Variants in ZNF410 observed in about 807,000 individuals in gnomAD.
The protein encoded by ZNF410 is another partner for ARF 1.
ZNF410 carries 18 observed loss-of-function variants against 54.8 expected under a neutral mutation model. The ratio of observed to expected loss-of-function variants is 0.33; its 90% confidence interval spans 0.23 to 0.49. The LOEUF (loss-of-function observed/expected upper bound fraction) is 0.49, where lower values mean the gene tolerates loss of function less well. Among genes scored for constraint, ZNF410 ranks in the 20% least tolerant of loss-of-function variants. The probability of loss-of-function intolerance (pLI) is 0.99; values close to 1 mark genes in which losing one functional copy is unlikely to be tolerated. For missense variants in ZNF410, 405 were observed against 569.6 expected (o/e 0.71, Z 2.94); for synonymous variants, 191 against 207.3 (o/e 0.92, Z 0.68).
intron 8 of ZNF410, among the ~76,000 whole-genome samples, chr14:73,912,599 C>G (rs558223371): frequency 1.2e-4 from 18 of 152,318 alleles, no homozygotes; most frequent in African/African-American, 3.4e-4. Context: ...CTGTGCGACT[C>G]TTTAGTTGGA....
At chr14:73,931,456 A>G (rs777478575) in intron 11 of ZNF410, 47 bp from the exon 12 acceptor site, 8 of 1,539,462 alleles carry the variant, frequency 5.2e-6, no homozygotes, top group Admixed American at 1.7e-5. Context: ...TATTTTTTCT[A>G]TAATTCAACT....
intron 11 of ZNF410, among the ~76,000 whole-genome samples, chr14:73,925,648 G>A (rs576574992): frequency 1.3e-5 from 2 of 152,100 alleles, no homozygotes; most frequent in Non-Finnish European, 2.9e-5. Context: ...GGCTAGTCTG[G>A]AACTCCTGAC....
In ZNF410 at chr14:73,922,117, A is replaced by G; in HGVS notation, c.1181A>G (p.Lys394Arg). 1 of 1,614,176 alleles carries G rather than the reference A, an allele frequency of 6.2e-7. No homozygotes were observed. The highest frequency in any genetic ancestry group is 8.5e-7 in the Non-Finnish European group (1 of 1,180,024). ...SLLEEASVPS[K>R]NLVSMNSQPS... is the part of the protein sequence containing the mutation. Reference sequence around the variant, plus strand: ...CTTGAAGAGGCTTCAGTACCCAGTAAAAACCTGGTGTCTATGAATTCCCAG... The same window carrying G: ...CTTGAAGAGGCTTCAGTACCCAGTAGAAACCTGGTGTCTATGAATTCCCAG... Residue 394 changes from lysine (K) to arginine (R), a missense_variant, in exon 10 of 12, where the codon AAA (lysine) becomes AGA (arginine). Physicochemically the swap from Lys to Arg is conservative, Grantham distance 26. This residue lies in a region of ZNF410 where 127 missense variants were observed against 141.3 expected (regional missense o/e 0.90). Coordinates refer to ENST00000555044, the MANE Select transcript of ZNF410 (RefSeq NM_021188.3).
chr14:73,931,369 C>G, intron 11 of ZNF410, 134 bp from the exon 12 acceptor site: 5 of 708,192 alleles, frequency 7.1e-6, no homozygotes, highest in Non-Finnish European at 1.2e-5. Flanking sequence ...CATGTGTTTG[C>G]TTTGGAAGTA....
rs2140337959 is a variant in ZNF410 at position 73,931,613 on chromosome 14, T to G, written c.*72T>G. On this transcript the variant is annotated 3_prime_UTR_variant, in exon 12 of 12. Transcript: ENST00000555044. ...TGCGTATACTGGGAACAGGATGCCT[T>G]AGCCCACAACAGAACCAGAATGAAT... 1 of 1,414,336 alleles carries G rather than the reference T, an allele frequency of 7.1e-7. No homozygotes were observed. The allele number at this position is 1,414,336 out of a possible 1,614,324, so 87.6% of individuals were successfully genotyped here.
chr14:73,907,983 G>C (rs2055517144), intron 7 of ZNF410, among the ~76,000 whole-genome samples: 1 of 151,930 alleles, frequency 6.6e-6, no homozygotes, highest in South Asian at 2.1e-4. Context: ...TATTTACCTG[G>C]TATTATTTAA....
At chr14:73,917,100 C>G (rs1052896966) in intron 8 of ZNF410, among the ~76,000 whole-genome samples, 1 of 152,144 alleles carries the variant, frequency 6.6e-6, no homozygotes, top group Non-Finnish European at 1.5e-5. Context: ...TTTAAATTTT[C>G]ACATTAAACA....
At chr14:73,904,388 CAAAT>C (rs1026355070) in intron 6 of ZNF410, among the ~76,000 whole-genome samples, 4 of 152,106 alleles carry the variant, frequency 2.6e-5, no homozygotes, top group Admixed American at 2.6e-4. Context: ...TTAAAAGTAA[CAAAT>C]AAGCATGGGC....
chr14:73,896,233 A>G (rs553892536), intron 3 of ZNF410, 83 bp from the exon 4 acceptor site: 3 of 969,856 alleles, frequency 3.1e-6, no homozygotes, highest in South Asian at 2.9e-5. Context: ...TTAGCTTCCA[A>G]GAGATGTTGG....
Position 73,893,877 on chromosome 14 carries a change from C to T in ZNF410, c.114C>T (p.Cys38=). 3 of 1,614,104 alleles carry T rather than the reference C, an allele frequency of 1.9e-6. No individual in the cohort carries two copies. The highest frequency in any genetic ancestry group is 2.5e-6 in the Non-Finnish European group (3 of 1,180,000). ...AATCAGAAGCTAAAGATATTACTTG[C>T]TTGTCCCTCCTTCCCGTGACTGAAG... The part of the protein sequence containing the change: ...LVESEAKDIT[C]LSLLPVTEAS... Residue 38 remains cysteine (C), a synonymous_variant, in exon 3 of 12, where the codon TGC becomes TGT. Coordinates refer to ENST00000555044, the MANE Select transcript of ZNF410 (RefSeq NM_021188.3).
chr14:73,896,389 T>C lies in ZNF410; in HGVS notation c.243T>C (p.Asn81=). The C allele has an allele frequency of 6.2e-7, 1 of 1,614,146 alleles. No individual in the cohort carries two copies. The highest frequency in any genetic ancestry group is 8.5e-7 in the Non-Finnish European group (1 of 1,180,042). The stretch of plus-strand genomic sequence containing the variant: ...CTGTTTTGAGAAGCCTTCGGGTGAA[T>C]GTGGGTCCAGACGGAGAGGAGACGA... The part of the protein sequence containing the change: ...SSAVLRSLRV[N]VGPDGEETRA... The change falls in exon 4 of 12, where the codon AAT becomes AAC. Residue 81 remains asparagine (N), a synonymous_variant. Coordinates refer to ENST00000555044, the MANE Select transcript of ZNF410 (RefSeq NM_021188.3).
chr14:73,899,776 G>A (rs10151507), intron 5 of ZNF410, among the ~76,000 whole-genome samples: 1,779 of 152,210 alleles, frequency 0.012, 37 homozygotes, highest in African/African-American at 0.041. Context: ...GGCTTGTTAT[G>A]GAGATTATGT....
intron 8 of ZNF410, among the ~76,000 whole-genome samples, chr14:73,919,886 G>GTTTTTTTTTTTTTTTTTTTT (rs1158550117): frequency 6.4e-5 from 4 of 62,044 alleles, no homozygotes; most frequent in Admixed American, 2.5e-4. Flanking sequence ...TATTGTATAG[G>GTTTTTTTTTTTTTTTTTTTT]TTTTTTTTTT....
At chr14:73,922,236 A>G in intron 10 of ZNF410, 30 bp downstream of exon 10, 4 of 1,602,656 alleles carry the variant, frequency 2.5e-6, no homozygotes, top group Non-Finnish European at 3.4e-6. Flanking sequence ...TTTATTTGGG[A>G]AAAATGGGCT....
chr14:73,931,698 A>T lies in ZNF410; in HGVS notation c.*157A>T, dbSNP rs1023943592. On this transcript the variant is annotated 3_prime_UTR_variant, in exon 12 of 12. Coordinates refer to ENST00000555044, the MANE Select transcript of ZNF410 (RefSeq NM_021188.3). ...TCCTCTTTCCTGGTATAGAAGATGGATGTAGGAGAGCTTCTTTTCTAACTA... is the reference window on the plus strand; with the variant it reads ...TCCTCTTTCCTGGTATAGAAGATGGTTGTAGGAGAGCTTCTTTTCTAACTA... 7.5e-6 allele frequency: 5 copies of T among 666,430 alleles called. No individual in the cohort carries two copies. In the East Asian group the frequency reaches 1.4e-4, roughly 19 times the overall value. 41.3% of individuals were successfully genotyped at this position (666,430 alleles called of 1,614,324 possible).
intron 9 of ZNF410, chr14:73,921,325 A>G (rs916205148): frequency 6.6e-6 from 3 of 453,860 alleles, no homozygotes; most frequent in South Asian, 3.5e-5. Flanking sequence ...GCCCACCAAT[A>G]AAACAAAGCA....
chr14:73,903,289 G>T (rs909459041), intron 5 of ZNF410, among the ~76,000 whole-genome samples: 1 of 152,136 alleles, frequency 6.6e-6, no homozygotes, highest in Non-Finnish European at 1.5e-5. Flanking sequence ...CCTACTCAGG[G>T]ATAGTGTTGC....
At position 73,909,412 on chromosome 14, in the gene ZNF410, C is replaced by T; in HGVS notation, c.985C>T (p.His329Tyr). ...SFAEYSSLRK[H>Y]LVVHSGEKPH... ...TGCTGAGTATTCTAGCCTCCGAAAA[C>T]ATCTGGTGGTTCACTCAGGTATCAG... Residue 329 changes from histidine (H) to tyrosine (Y), a missense_variant, in exon 8 of 12, where the codon CAT (histidine) becomes TAT (tyrosine). Physicochemically the swap from His to Tyr is moderately conservative, Grantham distance 83. This residue lies in a region of ZNF410 where 31 missense variants were observed against 85.5 expected (regional missense o/e 0.36). Transcript: ENST00000555044. 1 of 1,614,048 alleles carries T rather than the reference C, an allele frequency of 6.2e-7. No individual in the cohort carries two copies. Among genetic ancestry groups the T allele is most frequent in the Non-Finnish European group, 8.5e-7 (1 of 1,179,968 alleles).
intron 11 of ZNF410, among the ~76,000 whole-genome samples, chr14:73,925,581 C>T (rs1481150735): frequency 6.6e-6 from 1 of 152,126 alleles, no homozygotes; most frequent in East Asian, 1.9e-4. Context: ...GCACCCACTA[C>T]CAAACCCGGC....
Sources: gnomAD v4.1 joint callset for allele counts (sites outside exome capture counted in the v4.1 genomes callset) on GRCh38, gnomAD v4.1.1 for gene constraint, gnomAD v4.1.1 regional missense constraint, MANE v1.5 for transcripts, NCBI Gene and HGNC (gene_info 2026-07-23, HGNC 2026-07-21) for gene names.